The following BID variants were observed in gnomAD, a reference collection of about 807,000 sequenced individuals.
BID encodes BH3-interacting domain death agonist.
Under a neutral mutation model 17.4 loss-of-function variants are expected in BID, and 19 were observed. That is an observed-to-expected ratio of 1.09 (90% CI 0.76 to 1.60). The LOEUF (loss-of-function observed/expected upper bound fraction) is 1.60, where lower values mean the gene tolerates loss of function less well. Ranked by LOEUF, BID falls within the 40% of genes most tolerant of loss-of-function variation. The pLI, the probability that BID is intolerant of heterozygous loss-of-function variation, is 0.00. For synonymous variants in BID, 108 were observed against 102.8 expected (o/e 1.05, Z -0.31); for missense variants, 226 against 256.0 (o/e 0.88, Z 0.80).
intron 3 of BID, chr22:17,739,817 C>T (rs1296888051): frequency 3.4e-6 from 2 of 589,032 alleles, no homozygotes; most frequent in Non-Finnish European, 6.0e-6. Context: ...ATGGCTCACA[C>T]CACACAACCC....
At chr22:17,740,851 T>C (rs181394) in intron 3 of BID, 122,893 of 151,954 alleles carry the variant, frequency 0.81, 49,800 homozygotes, top group East Asian at 0.93. Context: ...GCTGTGATCA[T>C]ACCACTACAC....
chr22:17,738,691 C>T (rs1441418559), intron 4 of BID, among the ~76,000 whole-genome samples: 1 of 152,186 alleles, frequency 6.6e-6, no homozygotes, highest in East Asian at 1.9e-4. Context: ...GCGCCAGCCA[C>T]TCCTGCGTTC....
chr22:17,739,036 T>C (rs1262232027), intron 4 of BID, among the ~76,000 whole-genome samples: 6 of 152,188 alleles, frequency 3.9e-5, no homozygotes, highest in Admixed American at 3.9e-4. Flanking sequence ...ACTGGCACCA[T>C]TATTAAACTC....
intron 2 of BID, among the ~76,000 whole-genome samples, chr22:17,746,381 C>G (rs1308602420): frequency 1.3e-5 from 2 of 152,208 alleles, no homozygotes; most frequent in African/African-American, 4.8e-5. Flanking sequence ...TGCTATTCAG[C>G]CTTTACTTCT....
chr22:17,761,429 CTTTTTTT>C (rs57001710), intron 1 of BID, among the ~76,000 whole-genome samples: 3 of 106,324 alleles, frequency 2.8e-5, no homozygotes, highest in Non-Finnish European at 5.6e-5. Flanking sequence ...TAATCTTTCA[CTTTTTTT>C]TTTTTTTTTT....
At chr22:17,740,057 C>T (rs999413218) in intron 3 of BID, 1 of 1,606,632 alleles carries the variant, frequency 6.2e-7, no homozygotes, top group Non-Finnish European at 8.5e-7. Flanking sequence ...GGCGCACAGC[C>T]TCCGTGCTGC....
chr22:17,766,036 C>T (rs1175452208), intron 1 of BID, among the ~76,000 whole-genome samples: 4 of 152,150 alleles, frequency 2.6e-5, no homozygotes, highest in African/African-American at 9.7e-5. Context: ...TCAGGCGATC[C>T]TCCCCCCTCA....
intron 2 of BID, among the ~76,000 whole-genome samples, chr22:17,746,088 G>A (rs2061493378): frequency 6.6e-6 from 1 of 152,160 alleles, no homozygotes; most frequent in Non-Finnish European, 1.5e-5. Context: ...GATGGAGCTA[G>A]AGGCCATTAC....
At chr22:17,746,771 C>T (rs2061497770) in intron 2 of BID, among the ~76,000 whole-genome samples, 1 of 152,166 alleles carries the variant, frequency 6.6e-6, no homozygotes, top group Admixed American at 6.5e-5. Context: ...CATGTGAAGA[C>T]AGAGGCAGCC....
chr22:17,740,433 T>C (rs1028821917), intron 3 of BID: 2 of 18,880 alleles, frequency 1.1e-4, no homozygotes, highest in African/African-American at 1.5e-4. Flanking sequence ...TACAAGAAAC[T>C]TTTTTTTTTT....
intron 2 of BID, among the ~76,000 whole-genome samples, chr22:17,746,598 C>T (rs1293684712): frequency 6.6e-6 from 1 of 152,200 alleles, no homozygotes; most frequent in Non-Finnish European, 1.5e-5. Flanking sequence ...GTCCTAACCC[C>T]AAGTACCTGT....
rs970297485 is a variant in BID at position 17,735,449 on chromosome 22, G to A, written c.*131C>T. On this transcript the variant is annotated 3_prime_UTR_variant, in exon 6 of 6. Coordinates refer to ENST00000622694, the MANE Select transcript of BID (RefSeq NM_001196.4). ...GTTTAACATTGTCTTTAAAATAGAA[G>A]TCACAGCTATCTTCCAGCCTGTCTT... 6.0e-6 allele frequency: 6 copies of A among 992,194 alleles called. No homozygotes were observed. The African/African-American group carries it at 9.8e-5, about 16-fold the overall frequency. The allele number at this position is 992,194 out of a possible 1,614,324, so 61.5% of individuals were successfully genotyped here.
rs1211270125 is a variant in BID at position 17,756,459 on chromosome 22, C to CT, written c.-58-6286dup. Among the ~76,000 whole-genome samples the CT allele has an allele frequency of 7.4e-3, 758 of 102,548 alleles. 5 individuals carry two copies. The highest frequency in any genetic ancestry group is 0.027 in the African/African-American group (713 of 26,434). 67.3% of individuals were successfully genotyped at this position (102,548 alleles called of 152,430 possible). A position where few individuals can be genotyped will look rare whatever the true frequency, so the allele number is the denominator to read the frequency against. ...TCTTTCTTTCTTTCTTTCTTTCTTTCTTTCTTTCTTTCTTTCTTTTCTTTC... is the reference window on the plus strand; with the variant it reads ...TCTTTCTTTCTTTCTTTCTTTCTTTCTTTTCTTTCTTTCTTTCTTTTCTTTC... On this transcript the variant is annotated intron_variant, in intron 1 of 5. Coordinates refer to ENST00000622694, the MANE Select transcript of BID (RefSeq NM_001196.4).
intron 2 of BID, among the ~76,000 whole-genome samples, chr22:17,745,207 C>T (rs1257132418): frequency 1.3e-5 from 2 of 152,010 alleles, no homozygotes; most frequent in South Asian, 2.1e-4. Flanking sequence ...TGCATCACCA[C>T]GCCCGGCTAA....
At chr22:17,738,320 A>T in intron 4 of BID, 91 bp from the exon 5 acceptor site, 1 of 1,211,092 alleles carries the variant, frequency 8.3e-7, no homozygotes. Flanking sequence ...ACTTCAAAGT[A>T]CTTATTAAGT....
Position 17,756,282 on chromosome 22 carries a change from G to A in BID, c.-58-6108C>T, listed in dbSNP as rs980884563. 9.8e-5 allele frequency among the ~76,000 whole-genome samples: 15 copies of A among 152,336 alleles called. 1 individual carries two copies. Among genetic ancestry groups the A allele is most frequent in the African/African-American group, 2.2e-4 (9 of 41,572 alleles). ...TCCAAGAACTGTGTGCGCAGGCAAC[G>A]GGGAAACTGGAAATGCGTTGACAAA... On this transcript the variant is annotated intron_variant, in intron 1 of 5. Coordinates refer to ENST00000622694, the MANE Select transcript of BID (RefSeq NM_001196.4).
At position 17,734,231 on chromosome 22, in the gene BID, A is replaced by G. The variant is rs2061404560; in HGVS notation, c.*1349T>C. The G allele has an allele frequency of 1.3e-5, 2 of 152,202 alleles. No individual in the cohort carries two copies. Among genetic ancestry groups the G allele is most frequent in the Admixed American group, 1.3e-4 (2 of 15,280 alleles). The allele number at this position is 152,202 out of a possible 1,614,324, so 9.4% of individuals were successfully genotyped here. A position where few individuals can be genotyped will look rare whatever the true frequency, so the allele number is the denominator to read the frequency against. On this transcript the variant is annotated 3_prime_UTR_variant, in exon 6 of 6. Transcript: ENST00000622694. ...ATTTGTAAGCTTTTGCCCACTTTCA[A>G]TTGAGCCAGCCCTAGCGTGGTATGT...
intron 1 of BID, among the ~76,000 whole-genome samples, chr22:17,755,865 T>C (rs1004369189): frequency 3.3e-5 from 5 of 151,980 alleles, no homozygotes; most frequent in Non-Finnish European, 7.4e-5. Flanking sequence ...TTTGGTTTTT[T>C]GTTTGTTTGT....
intron 3 of BID, 176 bp from the exon 4 acceptor site, chr22:17,739,664 G>A: frequency 1.2e-6 from 1 of 850,112 alleles, no homozygotes; most frequent in South Asian, 1.8e-5. Context: ...TACCAGCGCT[G>A]AGCTGGGTTC....
Sources: allele counts gnomAD v4.1 joint callset (sites outside exome capture counted in the v4.1 genomes callset), GRCh38; gene constraint gnomAD v4.1.1; transcripts MANE v1.5; gene names NCBI Gene and HGNC (gene_info 2026-07-23, HGNC 2026-07-21).